ROBO2: variants seen among roughly 807,000 people sequenced by gnomAD.
ROBO2 encodes roundabout guidance receptor 2.
In ROBO2, 53 loss-of-function variants were observed where a neutral mutation model predicts 160.8. The ratio of observed to expected loss-of-function variants is 0.33; its 90% CI spans 0.26 to 0.41. ROBO2 has a LOEUF of 0.41. Among genes scored for constraint, ROBO2 ranks in the 10% least tolerant of loss-of-function variants. The pLI is 1.00. For synonymous variants in ROBO2, 664 were observed against 611.7 expected (o/e 1.09, Z -1.26); for missense variants, 1,577 against 1,722.4 (o/e 0.92, Z 1.49).
chr3:76,335,077 C>T (rs1248879439), intron 2 of ROBO2, among the ~76,000 whole-genome samples: 8 of 151,482 alleles, frequency 5.3e-5, no homozygotes, highest in Non-Finnish European at 1.0e-4. Flanking sequence ...GAAATGTTGC[C>T]CAAGCTAGTC....
chr3:77,391,795 A>G (rs1345926087), intron 2 of ROBO2, among the ~76,000 whole-genome samples: 2 of 152,050 alleles, frequency 1.3e-5, no homozygotes, highest in Admixed American at 1.3e-4. Context: ...CTGATCTCAC[A>G]TGATCCTCCC....
intron 2 of ROBO2, among the ~76,000 whole-genome samples, chr3:76,320,221 ATTTGAATGACTACAT>A: frequency 1.3e-5 from 2 of 152,292 alleles, no homozygotes; most frequent in East Asian, 3.9e-4. Context: ...AATAATATTT[ATTTGAATGACTACAT>A]TTTGAATTTC....
At chr3:76,991,917 C>G (rs962460630) in intron 2 of ROBO2, among the ~76,000 whole-genome samples, 9 of 152,010 alleles carry the variant, frequency 5.9e-5, no homozygotes, top group African/African-American at 1.2e-4. Context: ...ATCTGAAAAG[C>G]CTTTAATCAG....
intron 2 of ROBO2, among the ~76,000 whole-genome samples, chr3:77,134,561 G>T (rs772916680): frequency 1.3e-5 from 2 of 152,138 alleles, no homozygotes; most frequent in Non-Finnish European, 2.9e-5. Flanking sequence ...ACAGACACAG[G>T]CTCTATCTAT....
chr3:77,529,174 A>G (rs1004025747), intron 6 of ROBO2, among the ~76,000 whole-genome samples: 14 of 151,014 alleles, frequency 9.3e-5, no homozygotes, highest in Admixed American at 1.3e-4. Context: ...TAAATTATAT[A>G]CAACAATGAT....
At chr3:75,964,498 C>T (rs1949035946) in intron 2 of ROBO2, among the ~76,000 whole-genome samples, 1 of 151,444 alleles carries the variant, frequency 6.6e-6, no homozygotes, top group African/African-American at 2.4e-5. Flanking sequence ...TGCACTTTAT[C>T]TTCATGCAAG....
chr3:76,745,436 A>G (rs1426329052), intron 2 of ROBO2, among the ~76,000 whole-genome samples: 1 of 152,174 alleles, frequency 6.6e-6, no homozygotes, highest in Admixed American at 6.6e-5. Context: ...TATTCTAGAT[A>G]ATCCTAGAAT....
At chr3:76,647,649 G>A (rs1050297818) in intron 2 of ROBO2, among the ~76,000 whole-genome samples, 4 of 152,136 alleles carry the variant, frequency 2.6e-5, no homozygotes, top group African/African-American at 4.8e-5. Flanking sequence ...CTTAATGGCT[G>A]TAATTTTTTT....
At chr3:75,980,314 G>A (rs1186822069) in intron 2 of ROBO2, among the ~76,000 whole-genome samples, 1 of 151,482 alleles carries the variant, frequency 6.6e-6, no homozygotes, top group African/African-American at 2.4e-5. Flanking sequence ...ACACTTCAGC[G>A]TCTTTAGGGG....
rs114716591 is a variant in ROBO2 at position 77,439,201 on chromosome 3, A to C, written c.389-38213A>C. ...CTATTATCCATTGTCCCTTAAATTA[A>C]TAGCAAAAAGTGAGTAATATCTTGT... On this transcript the variant is annotated intron_variant, in intron 2 of 25. Transcript: ENST00000461745. Among the ~76,000 whole-genome samples, 1,421 of 152,218 alleles carry C rather than the reference A, an allele frequency of 9.3e-3. 17 individuals carry two copies. The highest frequency in any genetic ancestry group is 0.024 in the Middle Eastern group (7 of 294).
intron 2 of ROBO2, among the ~76,000 whole-genome samples, chr3:77,447,420 C>G (rs564764069): frequency 6.6e-6 from 1 of 152,118 alleles, no homozygotes; most frequent in East Asian, 1.9e-4. Flanking sequence ...CTGTTAAATT[C>G]TGAGAACACT....
At chr3:76,270,637 C>G (rs1707376677) in intron 2 of ROBO2, among the ~76,000 whole-genome samples, 1 of 151,872 alleles carries the variant, frequency 6.6e-6, no homozygotes. Context: ...TTTGTGCTAC[C>G]TGATACAAAA....
At chr3:77,050,862 A>G (rs1412377673) in intron 1 of ROBO2, among the ~76,000 whole-genome samples, 1 of 151,742 alleles carries the variant, frequency 6.6e-6, no homozygotes, top group Admixed American at 6.6e-5. Context: ...AAAGAAAAAA[A>G]AAAAAATTAG....
chr3:76,141,070 TATATATAA>T (rs1211470702), intron 2 of ROBO2, among the ~76,000 whole-genome samples: 2 of 118,544 alleles, frequency 1.7e-5, no homozygotes, highest in African/African-American at 6.2e-5. Flanking sequence ...CATATATATA[TATATATAA>T]AATATATGTG....
chr3:76,586,836 T>C (rs2086070176), intron 2 of ROBO2, among the ~76,000 whole-genome samples: 1 of 152,216 alleles, frequency 6.6e-6, no homozygotes, highest in African/African-American at 2.4e-5. Context: ...TGCAAAGATA[T>C]GATCCCAGGT....
At chr3:77,303,171 A>G (rs1042651114) in intron 2 of ROBO2, among the ~76,000 whole-genome samples, 1 of 152,184 alleles carries the variant, frequency 6.6e-6, no homozygotes, top group Admixed American at 6.5e-5. Flanking sequence ...CCTCCATGCC[A>G]TGTTCTTTCT....
chr3:76,882,169 G>T (rs1395797678), intron 2 of ROBO2, among the ~76,000 whole-genome samples: 2 of 151,660 alleles, frequency 1.3e-5, no homozygotes, highest in African/African-American at 2.4e-5. Flanking sequence ...GTGCGTGGGT[G>T]ATGTTTGTTT....
chr3:77,288,908 T>A (rs2060816444), intron 2 of ROBO2, among the ~76,000 whole-genome samples: 1 of 150,986 alleles, frequency 6.6e-6, no homozygotes, highest in Admixed American at 6.6e-5. Flanking sequence ...CATTGAAAGT[T>A]AGAAGTAAAG....
intron 2 of ROBO2, among the ~76,000 whole-genome samples, chr3:76,983,610 A>G (rs1356176156): frequency 6.6e-6 from 1 of 152,196 alleles, no homozygotes; most frequent in Non-Finnish European, 1.5e-5. Context: ...CAAGGACAAG[A>G]ATACTGTTTG....
Sources: gnomAD v4.1 joint callset for allele counts (sites outside exome capture counted in the v4.1 genomes callset) on GRCh38, gnomAD v4.1.1 for gene constraint, MANE v1.5 for transcripts, NCBI Gene and HGNC (gene_info 2026-07-23, HGNC 2026-07-21) for gene names.